Variants in KIRREL3 observed in about 807,000 individuals in gnomAD.
The protein encoded by KIRREL3 is kin of IRRE-like protein 3.
In KIRREL3, 36 loss-of-function variants were observed where a neutral mutation model predicts 89.7. That is an observed-to-expected ratio of 0.40 (90% CI 0.31 to 0.53). KIRREL3 has a LOEUF of 0.53. KIRREL3 is among the 20% of genes least tolerant of loss of function. The probability of loss-of-function intolerance (pLI) is 0.49; values close to 1 mark genes in which losing one functional copy is unlikely to be tolerated. For missense variants in KIRREL3, 864 were observed against 1,056.6 expected (o/e 0.82, Z 2.53); for synonymous variants, 445 against 441.4 (o/e 1.01, Z -0.10).
intron 5 of KIRREL3, among the ~76,000 whole-genome samples, chr11:126,467,227 G>A (rs536693032): frequency 3.3e-5 from 5 of 152,330 alleles, no homozygotes; most frequent in African/African-American, 7.2e-5. Flanking sequence ...CTCAGGTGCC[G>A]CCTCAGGGCT....
At chr11:126,567,875 G>C (rs1457324687) in intron 1 of KIRREL3, among the ~76,000 whole-genome samples, 2 of 152,192 alleles carry the variant, frequency 1.3e-5, no homozygotes, top group East Asian at 3.9e-4. Flanking sequence ...CGGTGACAAC[G>C]GATAGGCACC....
rs565771531 is a variant in KIRREL3, at chr11:126,563,558, T to G, written c.56-646A>C. On this transcript the variant is annotated intron_variant, in intron 1 of 16. Coordinates refer to ENST00000525144, the MANE Select transcript of KIRREL3 (RefSeq NM_032531.4). The surrounding 1 kb of genome is among the most constrained non-coding windows in gnomAD (Gnocchi z 6.8). The stretch of plus-strand genomic sequence containing the variant: ...ATCAAGGCCCAATTTAGCACCATCA[T>G]CAAGCACTTATGAAATGTAGACTTA... Among the ~76,000 whole-genome samples the G allele has an allele frequency of 6.6e-6, 1 of 152,160 alleles. No individual in the cohort carries two copies. The highest frequency in any genetic ancestry group is 1.9e-4 in the East Asian group (1 of 5,206).
At chr11:126,602,991 C>T (rs11220553) in intron 1 of KIRREL3, among the ~76,000 whole-genome samples, 9,300 of 152,156 alleles carry the variant, frequency 0.061, 962 homozygotes, top group African/African-American at 0.21. Flanking sequence ...GCATAGAGAC[C>T]AATAGGAGAC....
At chr11:126,720,129 T>G (rs1948115074) in intron 1 of KIRREL3, among the ~76,000 whole-genome samples, 1 of 152,372 alleles carries the variant, frequency 6.6e-6, no homozygotes, top group African/African-American at 2.4e-5. Context: ...TTCATTGAAC[T>G]TATTGCCTGA....
rs189761204 is a variant in KIRREL3, at chr11:126,783,919, C to A, written c.55+216536G>T. Among the ~76,000 whole-genome samples the A allele has an allele frequency of 3.3e-5, 5 of 152,310 alleles. No individual in the cohort carries two copies. The highest frequency in any genetic ancestry group is 5.9e-5 in the Non-Finnish European group (4 of 68,024). On this transcript the variant is annotated intron_variant, in intron 1 of 16. Transcript: ENST00000525144. This position sits in a 1 kb window ranked among gnomAD's most constrained non-coding sequence, Gnocchi z 4.3. Reference sequence around the variant, plus strand: ...CAACAGTGATGTGCCATGTTGATAGCACACACCCTTGATAGGATACGATGG... The same window carrying A: ...CAACAGTGATGTGCCATGTTGATAGAACACACCCTTGATAGGATACGATGG...
chr11:126,962,426 G>T (rs1305759729), intron 1 of KIRREL3, among the ~76,000 whole-genome samples: 1 of 152,214 alleles, frequency 6.6e-6, no homozygotes, highest in Non-Finnish European at 1.5e-5. Flanking sequence ...GGTGGAAGCA[G>T]CAAGAGAAGT....
chr11:126,866,034 A>G (rs1944906852), intron 1 of KIRREL3, among the ~76,000 whole-genome samples: 2 of 152,188 alleles, frequency 1.3e-5, no homozygotes, highest in Non-Finnish European at 1.5e-5. Flanking sequence ...TGTTCATTTC[A>G]TACATCATTT....
chr11:126,752,941 C>G lies in KIRREL3; in HGVS notation c.56-190029G>C. ...GCTGCCATGAACCCAGTTTTCTGAG[C>G]TCTTCCAGAATCTCTTGTGATAATA... is the stretch of plus-strand genomic sequence containing the variant. On this transcript the variant is annotated intron_variant, in intron 1 of 16. Transcript: ENST00000525144. This position sits in a 1 kb window ranked among gnomAD's most constrained non-coding sequence, Gnocchi z 4.8. Among the ~76,000 whole-genome samples, 1 of 152,164 alleles carries G rather than the reference C, an allele frequency of 6.6e-6. No individual in the cohort carries two copies. The highest frequency in any genetic ancestry group is 2.1e-4 in the South Asian group (1 of 4,828).
intron 1 of KIRREL3, among the ~76,000 whole-genome samples, chr11:126,963,579 G>A (rs918942522): frequency 6.6e-6 from 1 of 152,128 alleles, no homozygotes; most frequent in African/African-American, 2.4e-5. Context: ...TATATGGAAA[G>A]CAATTAAGTT....
In KIRREL3 at chr11:126,516,563, T is replaced by C. The variant is rs1159130293; in HGVS notation, c.433+4752A>G. ...TTCGTTTCCTGATGAATCCCACGTG[T>C]CTAGACTAGTGCTTGGCATATAACA... On this transcript the variant is annotated intron_variant, in intron 4 of 16. Coordinates refer to ENST00000525144, the MANE Select transcript of KIRREL3 (RefSeq NM_032531.4). This position sits in a 1 kb window ranked among gnomAD's most constrained non-coding sequence, Gnocchi z 4.9. 1.3e-5 allele frequency among the ~76,000 whole-genome samples: 2 copies of C among 152,176 alleles called. No homozygotes were observed. Among genetic ancestry groups the C allele is most frequent in the Non-Finnish European group, 2.9e-5 (2 of 68,042 alleles).
At chr11:126,693,071 C>A (rs1946942412) in intron 1 of KIRREL3, among the ~76,000 whole-genome samples, 1 of 152,240 alleles carries the variant, frequency 6.6e-6, no homozygotes, top group East Asian at 1.9e-4. Context: ...AGACCAGCCA[C>A]CCTCTAGGTG....
chr11:126,738,763 G>A (rs1948886865), intron 1 of KIRREL3, among the ~76,000 whole-genome samples: 1 of 152,214 alleles, frequency 6.6e-6, no homozygotes, highest in Non-Finnish European at 1.5e-5. Flanking sequence ...AGCACCCAGA[G>A]AGATTTGCTG....
chr11:126,942,304 C>T (rs190977626), intron 1 of KIRREL3, among the ~76,000 whole-genome samples: 98 of 152,246 alleles, frequency 6.4e-4, no homozygotes, highest in African/African-American at 2.3e-3. Context: ...GCCTGGCACA[C>T]GGTAAACACT....
intron 1 of KIRREL3, among the ~76,000 whole-genome samples, chr11:126,957,272 A>G (rs1427977195): frequency 6.6e-6 from 1 of 152,142 alleles, no homozygotes; most frequent in African/African-American, 2.4e-5. Context: ...AGGTCGTGAA[A>G]ACTGCTCATG....
At position 126,802,836 on chromosome 11, in the gene KIRREL3, C is replaced by A. The variant is rs1951081953; in HGVS notation, c.55+197619G>T. On this transcript the variant is annotated intron_variant, in intron 1 of 16. Transcript: ENST00000525144. The surrounding 1 kb of genome is among the most constrained non-coding windows in gnomAD (Gnocchi z 5.2). The stretch of plus-strand genomic sequence containing the variant: ...TGATATTTCTGTGACCAGAAATATG[C>A]CATAGGAACTTAACTCTTGTTTATA... Among the ~76,000 whole-genome samples, 1 of 152,014 alleles carries A rather than the reference C, an allele frequency of 6.6e-6. No individual in the cohort carries two copies. The highest frequency in any genetic ancestry group is 2.1e-4 in the South Asian group (1 of 4,820).
rs556224943 is a variant in KIRREL3 at position 126,440,034 on chromosome 11, AC to A, written c.1353+414del. On this transcript the variant is annotated intron_variant, in intron 11 of 16. Coordinates refer to ENST00000525144, the MANE Select transcript of KIRREL3 (RefSeq NM_032531.4). ...ACCATGGACAGTAAAGGCCACAGAGACCTGGCAAGGAGGGCTCCAGGAGGCA... is the reference window on the plus strand; with the variant it reads ...ACCATGGACAGTAAAGGCCACAGAGACTGGCAAGGAGGGCTCCAGGAGGCA... Among the ~76,000 whole-genome samples, 276 of 152,136 alleles carry A rather than the reference AC, an allele frequency of 1.8e-3. 1 individual carries two copies. The highest frequency in any genetic ancestry group is 2.9e-3 in the Non-Finnish European group (196 of 68,002).
Position 126,665,840 on chromosome 11 carries a change from C to T in KIRREL3, c.56-102928G>A, listed in dbSNP as rs75344756. Among the ~76,000 whole-genome samples, 913 of 152,314 alleles carry T rather than the reference C, an allele frequency of 6.0e-3. 10 individuals carry two copies. The highest frequency in any genetic ancestry group is 9.1e-3 in the Admixed American group (140 of 15,304). ...TGCCTGCAACACTTAGCTGTGTGAC[C>T]TCAGGAAGGTTTCTTAATCTCTATG... On this transcript the variant is annotated intron_variant, in intron 1 of 16. Coordinates refer to ENST00000525144, the MANE Select transcript of KIRREL3 (RefSeq NM_032531.4).
intron 2 of KIRREL3, among the ~76,000 whole-genome samples, chr11:126,554,120 C>T (rs551093858): frequency 6.6e-6 from 1 of 152,298 alleles, no homozygotes; most frequent in South Asian, 2.1e-4. Flanking sequence ...TTGAATTCCA[C>T]AGGCAGCATG....
chr11:126,995,270 T>C lies in KIRREL3; in HGVS notation c.55+5185A>G. 2.2e-6 allele frequency: 1 copy of C among 456,234 alleles called. No individual in the cohort carries two copies. Among genetic ancestry groups the C allele is most frequent in the Non-Finnish European group, 4.4e-6 (1 of 226,958 alleles). 28.3% of individuals were successfully genotyped at this position (456,234 alleles called of 1,614,324 possible). A position where few individuals can be genotyped will look rare whatever the true frequency, so the allele number is the denominator to read the frequency against. The stretch of plus-strand genomic sequence containing the variant: ...GGCAAGACAAGAGCTCCAATCACTC[T>C]GCTGCAAGCGCCACCATTAAAGTCA... On this transcript the variant is annotated intron_variant, in intron 1 of 16. Coordinates refer to ENST00000525144, the MANE Select transcript of KIRREL3 (RefSeq NM_032531.4). The surrounding 1 kb of genome is among the most constrained non-coding windows in gnomAD (Gnocchi z 6.5).
Sources: allele counts gnomAD v4.1 joint callset (sites outside exome capture counted in the v4.1 genomes callset), GRCh38; gene constraint gnomAD v4.1.1; non-coding constraint Gnocchi (gnomAD v3.1); transcripts MANE v1.5; gene names NCBI Gene and HGNC (gene_info 2026-07-23, HGNC 2026-07-21).